CACNA1D: variants seen among roughly 807,000 people sequenced by gnomAD.
CACNA1D encodes the protein voltage-dependent L-type calcium channel subunit alpha-1D.
A neutral mutation model predicts 257.1 loss-of-function variants in CACNA1D; 55 were observed. The ratio of observed to expected loss-of-function variants is 0.21; its 90% CI spans 0.17 to 0.27. The LOEUF is 0.27. CACNA1D is among the 10% of genes least tolerant of loss of function. The pLI is 1.00. For synonymous variants in CACNA1D, 980 were observed against 1,014.9 expected, an observed-to-expected ratio of 0.97 and a Z score of 0.65; for missense variants, 1,876 against 2,784.0, an observed-to-expected ratio of 0.67 and a Z score of 7.34.
intron 3 of CACNA1D, among the ~76,000 whole-genome samples, chr3:53,620,413 G>T (rs769902762): frequency 3.9e-5 from 6 of 151,976 alleles, no homozygotes; most frequent in Non-Finnish European, 7.4e-5. Context: ...GCCTCAGCCT[G>T]CCCAGTAGCT....
rs565926898 is a variant in CACNA1D at position 53,723,331 on chromosome 3, C to T, written c.1667-103C>T. On this transcript the variant is annotated intron_variant, in intron 12 of 47. Transcript: ENST00000350061. This position sits in a 1 kb window ranked among gnomAD's most constrained non-coding sequence, Gnocchi z 5.6. ...AGTGAAGAGAGAGACAAGGTATTGG[C>T]GTATTTCCTGTGGGGCCTGATAGGG... 1.3e-5 allele frequency: 11 copies of T among 835,820 alleles called. No individual in the cohort carries two copies. The highest frequency in any genetic ancestry group is 6.7e-5 in the South Asian group (5 of 74,474). The allele number at this position is 835,820 out of a possible 1,614,324, so 51.8% of individuals were successfully genotyped here.
chr3:53,654,221 A>G (rs917373922), intron 4 of CACNA1D, among the ~76,000 whole-genome samples: 12 of 152,234 alleles, frequency 7.9e-5, no homozygotes, highest in Admixed American at 7.9e-4. Context: ...AGAAATGAAG[A>G]GTACCAGAAA....
chr3:53,599,515 C>T (rs1576033161), intron 3 of CACNA1D, among the ~76,000 whole-genome samples: 1 of 152,072 alleles, frequency 6.6e-6, no homozygotes, highest in African/African-American at 2.4e-5. Context: ...GTTAATAGCC[C>T]AGACTTTAAA....
intron 30 of CACNA1D, chr3:53,762,702 G>C: frequency 2.3e-6 from 1 of 443,248 alleles, no homozygotes; most frequent in Non-Finnish European, 4.5e-6. Context: ...AGAGACTAGA[G>C]GCCCTGCCCT....
rs2095609882 is a variant in CACNA1D, at chr3:53,813,530, T to A, written c.*2124T>A. ...ACTGTCAACATTATCCTGGACTCTG[T>A]GTCTCTCTCTGTTGGGTCTTGTGGC... On this transcript the variant is annotated 3_prime_UTR_variant, in exon 48 of 48. Transcript: ENST00000350061. The A allele has an allele frequency of 6.6e-6, 1 of 152,262 alleles. No homozygotes were observed. Among genetic ancestry groups the A allele is most frequent in the African/African-American group, 2.4e-5 (1 of 41,466 alleles). The allele number at this position is 152,262 out of a possible 1,614,324, so 9.4% of individuals were successfully genotyped here. A position where few individuals can be genotyped will look rare whatever the true frequency, so the allele number is the denominator to read the frequency against.
chr3:53,732,700 GT>G lies in CACNA1D; in HGVS notation c.2474-114del. 4.3e-6 allele frequency: 4 copies of G among 940,274 alleles called. 1 individual carries two copies. Among genetic ancestry groups the G allele is most frequent in the Non-Finnish European group, 7.0e-6 (4 of 575,036 alleles). 58.2% of individuals were successfully genotyped at this position (940,274 alleles called of 1,614,324 possible). A position where few individuals can be genotyped will look rare whatever the true frequency, so the allele number is the denominator to read the frequency against. ...AAGGAGCAGGAGGGTTTTGATTCAT[GT>G]AAGCAGGTAGATGTTGTTAAAGTTT... On this transcript the variant is annotated intron_variant, in intron 18 of 47. Transcript: ENST00000350061.
chr3:53,660,358 T>C, intron 5 of CACNA1D, 83 bp downstream of exon 5: 1 of 1,362,194 alleles, frequency 7.3e-7, no homozygotes, highest in African/African-American at 1.4e-5. Flanking sequence ...TGCTTTGAGG[T>C]GAGTTGCTCT....
intron 4 of CACNA1D, among the ~76,000 whole-genome samples, chr3:53,651,686 A>T (rs1478131098): frequency 6.6e-6 from 1 of 152,250 alleles, no homozygotes; most frequent in Non-Finnish European, 1.5e-5. Context: ...CCAAATACCC[A>T]TGTAGGAAGA....
At chr3:53,675,905 A>G (rs191292382) in intron 8 of CACNA1D, among the ~76,000 whole-genome samples, 1 of 152,362 alleles carries the variant, frequency 6.6e-6, no homozygotes, top group Admixed American at 6.5e-5. Context: ...TAGAGGCTGC[A>G]CATGACCTCC....
intron 9 of CACNA1D, among the ~76,000 whole-genome samples, chr3:53,703,150 A>G (rs2094644920): frequency 6.6e-6 from 1 of 152,234 alleles, no homozygotes; most frequent in Admixed American, 6.5e-5. Flanking sequence ...CAGGAGAAGA[A>G]GCTGTGGTTT....
At chr3:53,772,418 G>GC (rs2095371319) in intron 32 of CACNA1D, among the ~76,000 whole-genome samples, 1 of 152,014 alleles carries the variant, frequency 6.6e-6, no homozygotes, top group South Asian at 2.1e-4. Context: ...CTACAATACC[G>GC]CCCCCCAAAA....
intron 5 of CACNA1D, among the ~76,000 whole-genome samples, chr3:53,662,657 C>G (rs1348513756): frequency 6.6e-6 from 1 of 152,206 alleles, no homozygotes; most frequent in African/African-American, 2.4e-5. Flanking sequence ...CGGTGTTCTT[C>G]CCACTTCTGC....
intron 3 of CACNA1D, among the ~76,000 whole-genome samples, chr3:53,617,761 C>T (rs1182771381): frequency 6.6e-6 from 1 of 152,158 alleles, no homozygotes; most frequent in East Asian, 1.9e-4. Context: ...GGAACAGTGA[C>T]TCAGGCACTC....
chr3:53,647,670 C>T (rs1449479747), intron 3 of CACNA1D, among the ~76,000 whole-genome samples: 2 of 152,234 alleles, frequency 1.3e-5, no homozygotes, highest in Non-Finnish European at 2.9e-5. Context: ...AATTATCCCA[C>T]TTCTCCTGAA....
intron 45 of CACNA1D, chr3:53,808,119 C>T (rs964977727): frequency 5.9e-6 from 1 of 169,922 alleles, no homozygotes; most frequent in Non-Finnish European, 1.3e-5. Context: ...TATGGGCTGC[C>T]TTCACTCCTC....
chr3:53,501,521 T>G lies in CACNA1D; in HGVS notation c.378-94T>G, dbSNP rs1024614078. On this transcript the variant is annotated intron_variant, in intron 2 of 47. Coordinates refer to ENST00000350061, the MANE Select transcript of CACNA1D (RefSeq NM_001128840.3). ...AGGATTTGTGTATGTCATTTTCCTT[T>G]TAAAAGTGCTTTGAAAGTGGTGTGA... The G allele has an allele frequency of 1.5e-5, 11 of 740,534 alleles. No homozygotes were observed. The East Asian group carries it at 2.5e-4, about 17-fold the overall frequency. 45.9% of individuals were successfully genotyped at this position (740,534 alleles called of 1,614,324 possible). A position where few individuals can be genotyped will look rare whatever the true frequency, so the allele number is the denominator to read the frequency against.
chr3:53,651,276 G>A (rs1345464624), intron 4 of CACNA1D, among the ~76,000 whole-genome samples: 1 of 148,512 alleles, frequency 6.7e-6, no homozygotes, highest in Non-Finnish European at 1.5e-5. Flanking sequence ...TAGTGCCAAT[G>A]TTAAGTTAAA....
At chr3:53,538,537 GTATGA>G (rs2092200701) in intron 3 of CACNA1D, among the ~76,000 whole-genome samples, 1 of 152,126 alleles carries the variant, frequency 6.6e-6, no homozygotes, top group African/African-American at 2.4e-5. Context: ...ATTTTTAAAA[GTATGA>G]TATATTTTAG....
rs575461509 is a variant in CACNA1D, at chr3:53,800,680, C to T, written c.5040+315C>T. The stretch of plus-strand genomic sequence containing the variant: ...TTCCGGCAGCTGCCTTTGCTACCCT[C>T]CTCCTTCCCGGGCCAGCTCTTTGAT... On this transcript the variant is annotated intron_variant, in intron 41 of 47. Coordinates refer to ENST00000350061, the MANE Select transcript of CACNA1D (RefSeq NM_001128840.3). This position sits in a 1 kb window ranked among gnomAD's most constrained non-coding sequence, Gnocchi z 4.3. 8 of 496,398 alleles carry T rather than the reference C, an allele frequency of 1.6e-5. No individual in the cohort carries two copies. The highest frequency in any genetic ancestry group is 1.2e-4 in the African/African-American group (6 of 51,764). 30.7% of individuals were successfully genotyped at this position (496,398 alleles called of 1,614,324 possible).
Sources: gnomAD v4.1 joint callset for allele counts (sites outside exome capture counted in the v4.1 genomes callset) on GRCh38, gnomAD v4.1.1 for gene constraint, Gnocchi (gnomAD v3.1) non-coding constraint, MANE v1.5 for transcripts, NCBI Gene and HGNC (gene_info 2026-07-23, HGNC 2026-07-21) for gene names.